Variants in STK32C observed in about 807,000 individuals in gnomAD.
The protein encoded by STK32C is serine/threonine-protein kinase 32C.
A neutral mutation model predicts 56.5 loss-of-function variants in STK32C; 31 were observed. That is an observed-to-expected ratio of 0.55 (90% CI 0.41 to 0.74). STK32C has a LOEUF of 0.74. Ranked by LOEUF, STK32C falls within the 30% of genes least tolerant of loss-of-function variation. The pLI, the probability that STK32C is intolerant of heterozygous loss-of-function variation, is 0.00. For missense variants in STK32C, 544 were observed against 676.9 expected, an observed-to-expected ratio of 0.80 and a Z score of 2.18; for synonymous variants, 309 against 289.4, an observed-to-expected ratio of 1.07 and a Z score of -0.69.
intron 1 of STK32C, among the ~76,000 whole-genome samples, chr10:132,256,135 CCT>C (rs1409182663): frequency 7.9e-5 from 12 of 152,346 alleles, no homozygotes; most frequent in Middle Eastern, 3.4e-3. Context: ...ATGCCCTCAC[CCT>C]GTCTTTTCTG....
At chr10:132,212,607 C>T (rs564311470) in intron 10 of STK32C, among the ~76,000 whole-genome samples, 25 of 152,270 alleles carry the variant, frequency 1.6e-4, no homozygotes, top group Non-Finnish European at 2.9e-5. Context: ...ATGATGCCCT[C>T]AAGAAAGAGA....
exon 2 of STK32C, chr10:132,324,350 T>C (rs779628438): frequency 5.1e-6 from 4 of 779,272 alleles, no homozygotes; most frequent in Non-Finnish European, 9.6e-6. Context: ...AAAATCCCAG[T>C]CCTGGGGTGT....
intron 2 of STK32C, among the ~76,000 whole-genome samples, chr10:132,241,052 C>T (rs1442106906): frequency 1.3e-5 from 2 of 152,246 alleles, no homozygotes; most frequent in African/African-American, 2.4e-5. Flanking sequence ...CGGGAACACA[C>T]GATCTCCCAG....
intron 2 of STK32C, among the ~76,000 whole-genome samples, chr10:132,233,078 C>T (rs2063154588): frequency 6.6e-6 from 1 of 152,124 alleles, no homozygotes. Context: ...AGAAGTAGAG[C>T]CTGGGGACGT....
At chr10:132,314,911 C>T (rs979154424) in intron 1 of STK32C, among the ~76,000 whole-genome samples, 1 of 152,100 alleles carries the variant, frequency 6.6e-6, no homozygotes, top group Non-Finnish European at 1.5e-5. Flanking sequence ...CCGAGGCAGG[C>T]AGATCCTGAG....
chr10:132,252,463 G>T (rs2063943153), intron 1 of STK32C, among the ~76,000 whole-genome samples: 1 of 152,284 alleles, frequency 6.6e-6, no homozygotes, highest in Non-Finnish European at 1.5e-5. Flanking sequence ...GTGCAGTGAT[G>T]CTGTCAGCGC....
intron 2 of STK32C, among the ~76,000 whole-genome samples, chr10:132,245,597 C>T (rs2063660008): frequency 6.6e-6 from 1 of 152,248 alleles, no homozygotes; most frequent in Non-Finnish European, 1.5e-5. Context: ...TCCTGAGGAG[C>T]AGCCGCAGGC....
At chr10:132,296,028 G>A (rs912835116) in intron 1 of STK32C, among the ~76,000 whole-genome samples, 3 of 150,882 alleles carry the variant, frequency 2.0e-5, no homozygotes, top group African/African-American at 4.9e-5. Context: ...GGACGTCATG[G>A]TGGAGACACC....
chr10:132,302,202 A>G (rs2065930135), intron 1 of STK32C, among the ~76,000 whole-genome samples: 2 of 152,184 alleles, frequency 1.3e-5, no homozygotes, highest in Admixed American at 6.5e-5. Flanking sequence ...CAGAGAATCA[A>G]TCCCTCAACA....
intron 1 of STK32C, among the ~76,000 whole-genome samples, chr10:132,278,812 C>T (rs2065066681): frequency 6.7e-6 from 1 of 150,372 alleles, no homozygotes; most frequent in Non-Finnish European, 1.5e-5. Flanking sequence ...AAAGCATTTG[C>T]AATACATATG....
intron 2 of STK32C, among the ~76,000 whole-genome samples, chr10:132,244,175 C>G (rs1305658953): frequency 6.6e-6 from 1 of 152,164 alleles, no homozygotes; most frequent in Non-Finnish European, 1.5e-5. Context: ...CATCAACAAG[C>G]GCCGCACAGA....
chr10:132,215,968 A>C (rs2062457917), intron 10 of STK32C, among the ~76,000 whole-genome samples: 3 of 152,240 alleles, frequency 2.0e-5, no homozygotes, highest in African/African-American at 7.2e-5. Flanking sequence ...TTATGCTTTA[A>C]GCAAAGAGAC....
chr10:132,230,955 G>T lies in STK32C; in HGVS notation c.319-2827C>A, dbSNP rs1038310421. Among the ~76,000 whole-genome samples the T allele has an allele frequency of 7.2e-5, 11 of 152,276 alleles. No individual in the cohort carries two copies. In the East Asian group the frequency reaches 1.7e-3, roughly 24 times the overall value. On this transcript the variant is annotated intron_variant, in intron 2 of 11. Coordinates refer to ENST00000298630, the MANE Select transcript of STK32C (RefSeq NM_173575.4). ...CACTCACCAGGGGACAGGGCACCTG[G>T]GCTTCCCGTGCCCTCTGGGCCCTGT...
chr10:132,225,837 C>G, intron 4 of STK32C, 53 bp from the exon 5 acceptor site: 5 of 1,609,770 alleles, frequency 3.1e-6, no homozygotes, highest in Non-Finnish European at 4.2e-6. Context: ...CTGTTTCTGC[C>G]CTGGAATCTC....
chr10:132,265,169 C>T lies in STK32C; in HGVS notation c.263-19214G>A, dbSNP rs112598936. ...GGCTCTGGGGGAGCTGCCAGGGCGGCGAGGTGGCTCTGGGGGAGCCGCAAG... is the reference window on the plus strand; with the variant it reads ...GGCTCTGGGGGAGCTGCCAGGGCGGTGAGGTGGCTCTGGGGGAGCCGCAAG... On this transcript the variant is annotated intron_variant, in intron 1 of 11. Transcript: ENST00000298630. Among the ~76,000 whole-genome samples, 176 of 90,780 alleles carry T rather than the reference C, an allele frequency of 1.9e-3. 3 individuals carry two copies. Among genetic ancestry groups the T allele is most frequent in the African/African-American group, 6.7e-3 (152 of 22,838 alleles). 59.6% of individuals were successfully genotyped at this position (90,780 alleles called of 152,430 possible).
rs2497638 is a variant in STK32C at position 132,288,291 on chromosome 10, C to T, written c.262+19281G>A. Among the ~76,000 whole-genome samples the T allele has an allele frequency of 1.9e-3, 286 of 152,258 alleles. 3 individuals are homozygous for T. Among genetic ancestry groups the T allele is most frequent in the South Asian group, 4.6e-3 (22 of 4,818 alleles). ...AAAATCCTTGTGATCAAGCGCTGGT[C>T]GAAGATTTCTTAGAAAGAACACAAA... On this transcript the variant is annotated intron_variant, in intron 1 of 11. Coordinates refer to ENST00000298630, the MANE Select transcript of STK32C (RefSeq NM_173575.4).
chr10:132,230,377 C>G (rs1053820652), intron 2 of STK32C, among the ~76,000 whole-genome samples: 1 of 152,208 alleles, frequency 6.6e-6, no homozygotes, highest in Non-Finnish European at 1.5e-5. Context: ...CGCAGGAGGC[C>G]GAGGAGTCCC....
intron 1 of STK32C, among the ~76,000 whole-genome samples, chr10:132,263,601 TAA>T (rs939524758): frequency 1.1e-4 from 17 of 152,016 alleles, no homozygotes; most frequent in African/African-American, 3.4e-4. Context: ...TGAGATTATG[TAA>T]TCCCAGCATT....
intron 1 of STK32C, among the ~76,000 whole-genome samples, chr10:132,262,436 T>C (rs1251355649): frequency 6.6e-6 from 1 of 152,048 alleles, no homozygotes; most frequent in Non-Finnish European, 1.5e-5. Context: ...ATGTGACAAG[T>C]GGAACCTAAT....
Sources: gnomAD v4.1 joint callset for allele counts (sites outside exome capture counted in the v4.1 genomes callset) on GRCh38, gnomAD v4.1.1 for gene constraint, MANE v1.5 for transcripts, NCBI Gene and HGNC (gene_info 2026-07-23, HGNC 2026-07-21) for gene names.